PDCD5: variants seen among roughly 807,000 people sequenced by gnomAD.
The protein encoded by PDCD5 is programmed cell death 5.
A neutral mutation model predicts 21.9 loss-of-function variants in PDCD5; 23 were observed. The ratio of observed to expected loss-of-function variants is 1.05; its 90% confidence interval spans 0.76 to 1.49. The LOEUF (loss-of-function observed/expected upper bound fraction) is 1.49. Among genes scored for constraint, PDCD5 ranks in the 40% most tolerant of loss-of-function variants. The pLI, the probability that PDCD5 is intolerant of heterozygous loss-of-function variation, is 0.00. For missense variants in PDCD5, 152 were observed against 147.7 expected, an observed-to-expected ratio of 1.03 and a Z score of -0.15; for synonymous variants, 45 against 49.4, an observed-to-expected ratio of 0.91 and a Z score of 0.37.
At position 32,582,182 on chromosome 19, in the gene PDCD5, T is replaced by G. The variant is rs201080489; in HGVS notation, c.67-13T>G. The G allele has an allele frequency of 2.4e-4, 381 of 1,587,234 alleles. 2 individuals are homozygous for G. Among genetic ancestry groups the G allele is most frequent in the South Asian group, 5.2e-4 (47 of 89,804 alleles). Reference sequence around the variant, plus strand: ...TGAAATTTCTCTATTAAATTTAAGTTTTTTTTTTCCAGGATCCTGGTGATG... The same window carrying G: ...TGAAATTTCTCTATTAAATTTAAGTGTTTTTTTTCCAGGATCCTGGTGATG... On this transcript the variant is annotated splice_polypyrimidine_tract_variant and intron_variant, in intron 1 of 5. Transcript: ENST00000590247.
chr19:32,581,247 C>A lies in PDCD5; in HGVS notation c.-15C>A. On this transcript the variant is annotated 5_prime_UTR_variant, in exon 1 of 6. Coordinates refer to ENST00000590247, the MANE Select transcript of PDCD5 (RefSeq NM_004708.4). Reference sequence around the variant, plus strand: ...GCGAGAGTGACCGCGGCTGCTCCAGCGCTGACGCCGAGCCATGGCGGACGA... The same window carrying A: ...GCGAGAGTGACCGCGGCTGCTCCAGAGCTGACGCCGAGCCATGGCGGACGA... The A allele has an allele frequency of 6.7e-7, 1 of 1,493,940 alleles. No individual in the cohort carries two copies. Among genetic ancestry groups the A allele is most frequent in the Non-Finnish European group, 8.9e-7 (1 of 1,120,878 alleles). 92.5% of individuals were successfully genotyped at this position (1,493,940 alleles called of 1,614,324 possible). A position where few individuals can be genotyped will look rare whatever the true frequency, so the allele number is the denominator to read the frequency against.
intron 1 of PDCD5, 129 bp from the exon 2 acceptor site, chr19:32,582,066 A>T (rs1276969292): frequency 7.2e-6 from 5 of 693,028 alleles, no homozygotes; most frequent in Non-Finnish European, 1.3e-5. Flanking sequence ...TGTGAGGCCC[A>T]GTTTCTTATT....
intron 2 of PDCD5, among the ~76,000 whole-genome samples, chr19:32,584,442 T>C (rs748287372): frequency 6.6e-6 from 1 of 152,254 alleles, no homozygotes; most frequent in South Asian, 2.1e-4. Context: ...TGCAAAGTTA[T>C]AATTTCATTC....
intron 1 of PDCD5, among the ~76,000 whole-genome samples, 197 bp from the exon 2 acceptor site, chr19:32,581,998 G>A (rs1026295017): frequency 2.6e-5 from 4 of 152,164 alleles, no homozygotes; most frequent in Admixed American, 2.6e-4. Flanking sequence ...AGCCTTCTGA[G>A]GTTGTGGTTT....
rs1360709257 is a variant in PDCD5, at chr19:32,582,248, G to C, written c.104+16G>C. On this transcript the variant is annotated intron_variant, in intron 2 of 5. Transcript: ENST00000590247. ...CAAAGCACAGGTATGGGCTGGAAAC[G>C]TGAACTTTTTGAAGGGTGGTTTCAC... 1 of 1,607,104 alleles carries C rather than the reference G, an allele frequency of 6.2e-7. No homozygotes were observed. Among genetic ancestry groups the C allele is most frequent in the Non-Finnish European group, 8.5e-7 (1 of 1,173,932 alleles).
chr19:32,582,430 A>G (rs1336626944), intron 2 of PDCD5, among the ~76,000 whole-genome samples, 198 bp downstream of exon 2: 1 of 152,144 alleles, frequency 6.6e-6, no homozygotes, highest in Non-Finnish European at 1.5e-5. Context: ...TTGTATTGCA[A>G]TTACTGGTTG....
intron 4 of PDCD5, chr19:32,586,357 T>C (rs1003734952): frequency 1.9e-5 from 24 of 1,242,414 alleles, no homozygotes; most frequent in South Asian, 1.1e-4. Flanking sequence ...CCACCTGCCC[T>C]GAGAAGCCGT....
intron 1 of PDCD5, 129 bp downstream of exon 1, chr19:32,581,456 CGGCCTCGTGGCCGGCTCAGAGGT>C (rs1004109428): frequency 6.2e-5 from 31 of 498,792 alleles, no homozygotes; most frequent in East Asian, 3.8e-4. Flanking sequence ...GCTGCCCTGG[CGGCCTCGTGGCCGGCTCAGAGGT>C]GGCCTCGTCG....
chr19:32,585,401 C>A (rs1192256828), intron 3 of PDCD5, among the ~76,000 whole-genome samples: 3 of 152,048 alleles, frequency 2.0e-5, no homozygotes, highest in Non-Finnish European at 4.4e-5. Flanking sequence ...AAACCAAAAC[C>A]TGTAGAAAGA....
intron 1 of PDCD5, chr19:32,581,791 G>A (rs564220374): frequency 2.5e-4 from 54 of 219,896 alleles, no homozygotes; most frequent in Non-Finnish European, 4.0e-4. Context: ...GGGGCCGCCT[G>A]GGAAGCTTGG....
At chr19:32,585,949 T>C in intron 4 of PDCD5, 42 bp downstream of exon 4, 1 of 1,614,082 alleles carries the variant, frequency 6.2e-7, no homozygotes, top group Non-Finnish European at 8.5e-7. Context: ...GTTACCTGCT[T>C]TATCAAAACA....
At chr19:32,586,156 G>A (rs1022731386) in intron 4 of PDCD5, 2 of 1,469,064 alleles carry the variant, frequency 1.4e-6, no homozygotes, top group African/African-American at 2.8e-5. Context: ...GTTAGGGTCA[G>A]CTAGCTTCAA....
chr19:32,585,819 G>GT lies in PDCD5; in HGVS notation c.171dup (p.Asn58Ter). The GT allele has an allele frequency of 6.4e-7, 1 of 1,570,264 alleles. No individual in the cohort carries two copies. The highest frequency in any genetic ancestry group is 2.2e-5 in the East Asian group (1 of 44,660). ...CATATGTATTTTTTCTTTTTAGTAA[G>GT]TAACTTAGCACTTGTAAAGCCTGAA... On this transcript the variant is annotated frameshift_variant, in exon 4 of 6. Transcript: ENST00000590247. LOFTEE classifies it high-confidence loss of function.
At chr19:32,581,600 C>A (rs1364211084) in intron 1 of PDCD5, 2 of 331,090 alleles carry the variant, frequency 6.0e-6, no homozygotes, top group East Asian at 9.6e-5. Flanking sequence ...CTCGTCCTGG[C>A]GGGCCTGGAT....
Position 32,586,259 on chromosome 19 carries a change from T to C in PDCD5, c.258+352T>C, listed in dbSNP as rs921895627. 13 of 1,425,764 alleles carry C rather than the reference T, an allele frequency of 9.1e-6. No homozygotes were observed. The Admixed American group carries it at 1.4e-4, about 16-fold the overall frequency. The allele number at this position is 1,425,764 out of a possible 1,614,324, so 88.3% of individuals were successfully genotyped here. ...GTGTGTTTTGCAGATGAGAAGGTGC[T>C]AAGATGCCTTGCTTATGTTCTCTGT... On this transcript the variant is annotated intron_variant, in intron 4 of 5. Transcript: ENST00000590247.
intron 2 of PDCD5, among the ~76,000 whole-genome samples, 196 bp downstream of exon 2, chr19:32,582,428 C>T (rs143703403): frequency 1.4e-3 from 210 of 152,218 alleles, no homozygotes; most frequent in African/African-American, 4.9e-3. Context: ...CCTTGTATTG[C>T]AATTACTGGT....
chr19:32,584,263 A>C (rs1013447581), intron 2 of PDCD5, among the ~76,000 whole-genome samples: 2 of 152,236 alleles, frequency 1.3e-5, no homozygotes, highest in Non-Finnish European at 2.9e-5. Context: ...TAGTGGGCAC[A>C]GCCAGCCCCA....
At chr19:32,586,519 G>T (rs1234283787) in intron 4 of PDCD5, 1 of 1,108,256 alleles carries the variant, frequency 9.0e-7, no homozygotes, top group East Asian at 6.2e-5. Context: ...GGCAGAAGTG[G>T]TGTGTCTATT....
chr19:32,582,571 G>GTAAGC (rs1971439116), intron 2 of PDCD5, among the ~76,000 whole-genome samples: 2 of 152,330 alleles, frequency 1.3e-5, no homozygotes, highest in African/African-American at 4.8e-5. Context: ...GTGTTAACTG[G>GTAAGC]TAAGCTATTC....
Sources: allele counts gnomAD v4.1 joint callset (sites outside exome capture counted in the v4.1 genomes callset), GRCh38; gene constraint gnomAD v4.1.1; transcripts MANE v1.5; gene names NCBI Gene and HGNC (gene_info 2026-07-23, HGNC 2026-07-21).